Variants in ARPC5 observed in about 807,000 individuals in gnomAD.
ARPC5 encodes actin-related protein 2/3 complex subunit 5.
ARPC5 carries 5 observed loss-of-function variants against 15.4 expected under a neutral mutation model. The observed-to-expected ratio is 0.32, with a 90% CI of 0.17 to 0.68. ARPC5 has a LOEUF of 0.68. Ranked by LOEUF, ARPC5 falls within the 30% of genes least tolerant of loss-of-function variation. ARPC5 has a pLI of 0.71. For missense variants in ARPC5, 138 were observed against 192.8 expected (o/e 0.72, Z 1.68); for synonymous variants, 85 against 72.2 (o/e 1.18, Z -0.90).
At position 183,626,166 on chromosome 1, in the gene ARPC5, T is replaced by C. The variant is rs1263672920; in HGVS notation, c.*1366A>G. On this transcript the variant is annotated 3_prime_UTR_variant, in exon 4 of 4. Transcript: ENST00000359856. ...ACCTTTCCTCTTAATTAACCATACATTCATAATTGTTAAAGTCAGAGAAAA... is the reference window on the plus strand; with the variant it reads ...ACCTTTCCTCTTAATTAACCATACACTCATAATTGTTAAAGTCAGAGAAAA... The C allele has an allele frequency of 2.0e-5, 3 of 152,252 alleles. No individual in the cohort carries two copies. Among genetic ancestry groups the C allele is most frequent in the African/African-American group, 4.8e-5 (2 of 41,462 alleles). The allele number at this position is 152,252 out of a possible 1,614,324, so 9.4% of individuals were successfully genotyped here. A position where few individuals can be genotyped will look rare whatever the true frequency, so the allele number is the denominator to read the frequency against.
intron 1 of ARPC5, among the ~76,000 whole-genome samples, chr1:183,634,929 T>TAAAA (rs1558123797): frequency 0.012 from 1,690 of 143,566 alleles, 40 homozygotes; most frequent in African/African-American, 0.045. Flanking sequence ...TTTTTTTTTT[T>TAAAA]TAAAAAGGCC....
Position 183,621,536 on chromosome 1 carries a change from A to C in ARPC5, c.*5996T>G, listed in dbSNP as rs1648936886. 6.6e-6 allele frequency: 1 copy of C among 152,258 alleles called. No individual in the cohort carries two copies. Among genetic ancestry groups the C allele is most frequent in the Non-Finnish European group, 1.5e-5 (1 of 68,044 alleles). The allele number at this position is 152,258 out of a possible 1,614,324, so 9.4% of individuals were successfully genotyped here. A position where few individuals can be genotyped will look rare whatever the true frequency, so the allele number is the denominator to read the frequency against. On this transcript the variant is annotated 3_prime_UTR_variant, in exon 4 of 4. Transcript: ENST00000359856. Reference sequence around the variant, plus strand: ...CTCACACAAGAAAGAATTCAAGGCCAGTCTGTAAAGTTAAAGCAAGTTTAT... The same window carrying C: ...CTCACACAAGAAAGAATTCAAGGCCCGTCTGTAAAGTTAAAGCAAGTTTAT...
chr1:183,630,205 A>G, intron 3 of ARPC5: 1 of 311,654 alleles, frequency 3.2e-6, no homozygotes, highest in African/African-American at 2.2e-5. Flanking sequence ...TTCTTTTACA[A>G]AGTTTTGATT....
intron 3 of ARPC5, among the ~76,000 whole-genome samples, chr1:183,629,332 A>G (rs1649198092): frequency 6.6e-6 from 1 of 152,216 alleles, no homozygotes; most frequent in African/African-American, 2.4e-5. Context: ...GATGATAAAG[A>G]TATTTATATA....
Position 183,623,392 on chromosome 1 carries a change from A to C in ARPC5, c.*4140T>G. On this transcript the variant is annotated 3_prime_UTR_variant, in exon 4 of 4. Coordinates refer to ENST00000359856, the MANE Select transcript of ARPC5 (RefSeq NM_005717.4). ...TGGATCATCAATGTGGTGAAGTAGC[A>C]CCACCTTGAGGCAGATGACATGCTG... is the stretch of plus-strand genomic sequence containing the variant. 1.9e-6 allele frequency: 3 copies of C among 1,550,002 alleles called. No homozygotes were observed. The highest frequency in any genetic ancestry group is 2.6e-6 in the Non-Finnish European group (3 of 1,146,484).
chr1:183,629,351 G>T (rs1017491434), intron 3 of ARPC5, among the ~76,000 whole-genome samples: 1 of 152,120 alleles, frequency 6.6e-6, no homozygotes, highest in Non-Finnish European at 1.5e-5. Flanking sequence ...TACTTCACAG[G>T]GTTGTTGTAA....
Position 183,630,555 on chromosome 1 carries a change from T to G in ARPC5, c.299A>C (p.Lys100Thr). The part of the protein sequence containing the change: ...DIEKAVQSLD[K>T]NGVDLLMKYI... ...CTTCATTAGGAGATCCACACCATTC[T>G]TGTCCAGAGATTGAACTGCCTTTTC... The change falls in exon 3 of 4, where the codon AAG (lysine) becomes ACG (threonine). Residue 100 changes from lysine (K) to threonine (T), a missense_variant. Lys to Thr is a moderately conservative substitution (Grantham distance 78, BLOSUM62 -1). Around this residue, in one of 3 missense-constraint regions of ARPC5, gnomAD observed 121 missense variants for 153.7 expected, o/e 0.79. Transcript: ENST00000359856. 1 of 1,614,104 alleles carries G rather than the reference T, an allele frequency of 6.2e-7. No homozygotes were observed. The highest frequency in any genetic ancestry group is 1.7e-5 in the Admixed American group (1 of 60,026).
rs984548290 is a variant in ARPC5, at chr1:183,621,200, A to G, written c.*6332T>C. ...CTTCTACACGGCTGGAGAAAGTATA[A>G]TTGATAAAACCTTTAAGAAAGGCAA... On this transcript the variant is annotated 3_prime_UTR_variant, in exon 4 of 4. Coordinates refer to ENST00000359856, the MANE Select transcript of ARPC5 (RefSeq NM_005717.4). 5 of 152,364 alleles carry G rather than the reference A, an allele frequency of 3.3e-5. No individual in the cohort carries two copies. The highest frequency in any genetic ancestry group is 3.3e-4 in the Admixed American group (5 of 15,308). The allele number at this position is 152,364 out of a possible 1,614,324, so 9.4% of individuals were successfully genotyped here. A position where few individuals can be genotyped will look rare whatever the true frequency, so the allele number is the denominator to read the frequency against.
rs987288137 is a variant in ARPC5 at position 183,623,241 on chromosome 1, C to G, written c.*4291G>C. On this transcript the variant is annotated 3_prime_UTR_variant, in exon 4 of 4. Coordinates refer to ENST00000359856, the MANE Select transcript of ARPC5 (RefSeq NM_005717.4). Reference sequence around the variant, plus strand: ...TGGTGTGGATTCTAGGGAACTGTTTCAGAGAGAAATAAGAGATGTAAACAT... The same window carrying G: ...TGGTGTGGATTCTAGGGAACTGTTTGAGAGAGAAATAAGAGATGTAAACAT... The G allele has an allele frequency of 3.2e-6, 2 of 632,952 alleles. No individual in the cohort carries two copies. Among genetic ancestry groups the G allele is most frequent in the Non-Finnish European group, 5.5e-6 (2 of 365,946 alleles). The allele number at this position is 632,952 out of a possible 1,614,324, so 39.2% of individuals were successfully genotyped here.
At position 183,626,269 on chromosome 1, in the gene ARPC5, C is replaced by T. The variant is rs555795171; in HGVS notation, c.*1263G>A. 6.6e-6 allele frequency: 1 copy of T among 152,238 alleles called. No individual in the cohort carries two copies. Among genetic ancestry groups the T allele is most frequent in the African/African-American group, 2.4e-5 (1 of 41,546 alleles). 9.4% of individuals were successfully genotyped at this position (152,238 alleles called of 1,614,324 possible). On this transcript the variant is annotated 3_prime_UTR_variant, in exon 4 of 4. Coordinates refer to ENST00000359856, the MANE Select transcript of ARPC5 (RefSeq NM_005717.4). ...AAACAAAACAAAATGAAACAAAAAGCAGGTATCAAAAACAGCAAAGAGTTT... is the reference window on the plus strand; with the variant it reads ...AAACAAAACAAAATGAAACAAAAAGTAGGTATCAAAAACAGCAAAGAGTTT...
At chr1:183,633,193 C>A in intron 1 of ARPC5, 39 bp from the exon 2 acceptor site, 1 of 1,456,720 alleles carries the variant, frequency 6.9e-7, no homozygotes, top group South Asian at 1.3e-5. Flanking sequence ...AGGATGGCCC[C>A]CAGGAAAGCA....
Position 183,624,309 on chromosome 1 carries a change from C to T in ARPC5, c.*3223G>A, listed in dbSNP as rs1295010594. The T allele has an allele frequency of 2.0e-5, 3 of 152,038 alleles. No homozygotes were observed. The highest frequency in any genetic ancestry group is 1.9e-4 in the East Asian group (1 of 5,158). 9.4% of individuals were successfully genotyped at this position (152,038 alleles called of 1,614,324 possible). ...GATCACGAGGTCAGGAGATCGAGAC[C>T]ATCCTGGCTAACACGGTGAATGAAA... On this transcript the variant is annotated 3_prime_UTR_variant, in exon 4 of 4. Transcript: ENST00000359856.
chr1:183,632,198 G>A (rs1009436660), intron 2 of ARPC5: 2 of 152,102 alleles, frequency 1.3e-5, no homozygotes, highest in Non-Finnish European at 2.9e-5. Flanking sequence ...ATGGACAACG[G>A]GGTTGATGCT....
In ARPC5 at chr1:183,627,181, TA is replaced by T. The variant is rs1649129062; in HGVS notation, c.*350del. On this transcript the variant is annotated 3_prime_UTR_variant, in exon 4 of 4. Transcript: ENST00000359856. ...AAATTCTGACCAAATCTCTCAGTAT[TA>T]GTTAAAAATAATACAAAACAAAACA... is the stretch of plus-strand genomic sequence containing the variant. 5.6e-6 allele frequency: 1 copy of T among 179,044 alleles called. No individual in the cohort carries two copies. Among genetic ancestry groups the T allele is most frequent in the Non-Finnish European group, 1.2e-5 (1 of 84,802 alleles). 11.1% of individuals were successfully genotyped at this position (179,044 alleles called of 1,614,324 possible).
rs1250712037 is a variant in ARPC5 at position 183,623,032 on chromosome 1, C to G, written c.*4500G>C. The G allele has an allele frequency of 5.7e-6, 1 of 176,672 alleles. No homozygotes were observed. The highest frequency in any genetic ancestry group is 1.2e-5 in the Non-Finnish European group (1 of 82,632). 10.9% of individuals were successfully genotyped at this position (176,672 alleles called of 1,614,324 possible). ...GATATTTGTTGAACATCAACTATGCCAAGTGAATGTGGGGATGAGTAAGAG... is the reference window on the plus strand; with the variant it reads ...GATATTTGTTGAACATCAACTATGCGAAGTGAATGTGGGGATGAGTAAGAG... On this transcript the variant is annotated 3_prime_UTR_variant, in exon 4 of 4. Coordinates refer to ENST00000359856, the MANE Select transcript of ARPC5 (RefSeq NM_005717.4).
At chr1:183,630,701 GA>G (rs1458132167) in intron 2 of ARPC5, 64 bp from the exon 3 acceptor site, 4 of 1,467,740 alleles carry the variant, frequency 2.7e-6, no homozygotes, top group Admixed American at 4.0e-5. Context: ...TAGAATTTCA[GA>G]AAGTCTACAC....
At chr1:183,629,068 G>A (rs1438808696) in intron 3 of ARPC5, among the ~76,000 whole-genome samples, 4 of 152,174 alleles carry the variant, frequency 2.6e-5, no homozygotes, top group African/African-American at 7.2e-5. Flanking sequence ...ATACTTCGAA[G>A]ATTGGTAAAA....
intron 1 of ARPC5, among the ~76,000 whole-genome samples, chr1:183,634,276 TTAAG>T (rs915949992): frequency 6.6e-6 from 1 of 152,228 alleles, no homozygotes; most frequent in African/African-American, 2.4e-5. Context: ...CTCCAAGCAC[TTAAG>T]TATTTAAATA....
Position 183,621,891 on chromosome 1 carries a change from C to T in ARPC5, c.*5641G>A, listed in dbSNP as rs756660286. 4 of 152,214 alleles carry T rather than the reference C, an allele frequency of 2.6e-5. No homozygotes were observed. Among genetic ancestry groups the T allele is most frequent in the Non-Finnish European group, 5.9e-5 (4 of 68,042 alleles). The allele number at this position is 152,214 out of a possible 1,614,324, so 9.4% of individuals were successfully genotyped here. ...TTTATGACCGGTATCTTGTGTTGAC[C>T]TCCTATCTCATCCTGTGACTTAGAA... On this transcript the variant is annotated 3_prime_UTR_variant, in exon 4 of 4. Coordinates refer to ENST00000359856, the MANE Select transcript of ARPC5 (RefSeq NM_005717.4).
Sources: allele counts gnomAD v4.1 joint callset (sites outside exome capture counted in the v4.1 genomes callset), GRCh38; gene constraint gnomAD v4.1.1; regional missense constraint gnomAD v4.1.1; transcripts MANE v1.5; gene names NCBI Gene and HGNC (gene_info 2026-07-23, HGNC 2026-07-21).